Variants in TMC1 observed in about 807,000 individuals in gnomAD.
The protein encoded by TMC1 is transmembrane channel like 1.
A neutral mutation model predicts 105.8 loss-of-function variants in TMC1; 84 were observed. The observed-to-expected ratio is 0.79, with a 90% CI of 0.67 to 0.95. The LOEUF is 0.95. Ranked by LOEUF, TMC1 falls within the 40% of genes least tolerant of loss-of-function variation. TMC1 has a pLI of 0.00. For synonymous variants in TMC1, 315 were observed against 311.5 expected (o/e 1.01, Z -0.12); for missense variants, 817 against 914.1 (o/e 0.89, Z 1.37).
intron 1 of TMC1, among the ~76,000 whole-genome samples, chr9:72,553,899 A>G (rs562663690): frequency 6.6e-6 from 1 of 152,292 alleles, no homozygotes; most frequent in Admixed American, 6.5e-5. Flanking sequence ...CCCTACGACT[A>G]TTATATCTGA....
intron 5 of TMC1, among the ~76,000 whole-genome samples, chr9:72,676,900 T>C (rs374685590): frequency 6.6e-6 from 1 of 152,250 alleles, no homozygotes; most frequent in East Asian, 1.9e-4. Context: ...TCTGGAAACA[T>C]TTGAAGAAAT....
At chr9:72,728,294 T>C (rs1156363133) in intron 8 of TMC1, among the ~76,000 whole-genome samples, 2 of 152,134 alleles carry the variant, frequency 1.3e-5, no homozygotes, top group Non-Finnish European at 2.9e-5. Flanking sequence ...GGGGAACTAA[T>C]GGAAAATAAG....
intron 5 of TMC1, among the ~76,000 whole-genome samples, chr9:72,649,981 T>C (rs1271837542): frequency 6.6e-6 from 1 of 152,222 alleles, no homozygotes; most frequent in East Asian, 1.9e-4. Context: ...TTATTAGTGC[T>C]GCATATTATT....
intron 6 of TMC1, among the ~76,000 whole-genome samples, chr9:72,692,566 A>T (rs1432255736): frequency 6.6e-6 from 1 of 152,280 alleles, no homozygotes; most frequent in East Asian, 1.9e-4. Flanking sequence ...TAGTTTTAAT[A>T]CAAAAAATAC....
chr9:72,584,826 C>T (rs1321925700), intron 2 of TMC1, among the ~76,000 whole-genome samples: 2 of 133,884 alleles, frequency 1.5e-5, no homozygotes, highest in African/African-American at 5.8e-5. Flanking sequence ...GCTTCGTTGC[C>T]CAGGCTGGAG....
At chr9:72,560,929 A>C (rs1392944269) in intron 1 of TMC1, among the ~76,000 whole-genome samples, 3 of 152,194 alleles carry the variant, frequency 2.0e-5, no homozygotes, top group African/African-American at 4.8e-5. Flanking sequence ...CCTATTAGCT[A>C]GAGATACTTA....
At chr9:72,830,738 C>CTTTTTTTTTTTTTTTTTTCTTTT (rs71495342) in intron 23 of TMC1, 56 bp downstream of exon 23, 2 of 982,718 alleles carry the variant, frequency 2.0e-6, no homozygotes, top group Non-Finnish European at 1.4e-6. Context: ...CTTTTTCTTT[C>CTTTTTTTTTTTTTTTTTTCTTTT]TTTTTTTTTT....
At chr9:72,717,443 C>T (rs1290753643) in intron 8 of TMC1, among the ~76,000 whole-genome samples, 1 of 151,920 alleles carries the variant, frequency 6.6e-6, no homozygotes, top group Admixed American at 6.6e-5. Context: ...TGATGTGTTT[C>T]CATGGTTCGT....
At chr9:72,766,184 G>A (rs572445258) in intron 12 of TMC1, among the ~76,000 whole-genome samples, 41 of 152,206 alleles carry the variant, frequency 2.7e-4, no homozygotes, top group Middle Eastern at 6.8e-3. Flanking sequence ...TTGGGAGGCC[G>A]AGGTGGGTGG....
intron 10 of TMC1, among the ~76,000 whole-genome samples, chr9:72,744,091 G>T (rs965339158): frequency 4.6e-5 from 7 of 152,102 alleles, no homozygotes; most frequent in African/African-American, 1.7e-4. Context: ...CTAACCCTCG[G>T]TTCCCTGTCT....
chr9:72,566,439 A>G (rs1048934359), intron 1 of TMC1, among the ~76,000 whole-genome samples: 5 of 139,650 alleles, frequency 3.6e-5, no homozygotes, highest in African/African-American at 1.0e-4. Flanking sequence ...CATAGGGACT[A>G]TCTTGGGCTT....
At chr9:72,727,275 T>C (rs1475176837) in intron 8 of TMC1, among the ~76,000 whole-genome samples, 1 of 152,214 alleles carries the variant, frequency 6.6e-6, no homozygotes, top group Non-Finnish European at 1.5e-5. Context: ...CTGTCTTGCA[T>C]TGTTATGTAA....
chr9:72,752,048 G>T (rs555485816), intron 11 of TMC1, 92 bp downstream of exon 11: 31 of 906,036 alleles, frequency 3.4e-5, no homozygotes, highest in Admixed American at 5.2e-5. Flanking sequence ...TAATTAACTG[G>T]CTATTTTCAC....
At chr9:72,631,739 T>C (rs150635617) in intron 4 of TMC1, among the ~76,000 whole-genome samples, 1 of 152,238 alleles carries the variant, frequency 6.6e-6, no homozygotes, top group East Asian at 1.9e-4. Context: ...ACTCTGCCTA[T>C]TGAAAACACC....
intron 17 of TMC1, among the ~76,000 whole-genome samples, chr9:72,794,503 A>G (rs1477711923): frequency 6.6e-6 from 1 of 152,202 alleles, no homozygotes; most frequent in Non-Finnish European, 1.5e-5. Context: ...CCAAAGCATC[A>G]ACACCAAAAA....
rs768891360 is a variant in TMC1 at position 72,788,434 on chromosome 9, A to T, written c.980A>T (p.Asn327Ile). 4 of 1,614,068 alleles carry T rather than the reference A, an allele frequency of 2.5e-6. No homozygotes were observed. The highest frequency in any genetic ancestry group is 3.4e-6 in the Non-Finnish European group (4 of 1,179,932). Residue 327 changes from asparagine (N) to isoleucine (I), a missense_variant, in exon 14 of 24, where the codon AAT becomes ATT. Coordinates refer to ENST00000297784, the MANE Select transcript of TMC1 (RefSeq NM_138691.3). ...ACCAGCTGGGACTACCTGATCGGCA[A>T]TCCTGAAACAGCAGACAACAAATTT... ...VFTSWDYLIG[N>I]PETADNKFNS... is the part of the protein sequence containing the mutation.
chr9:72,623,338 G>T (rs1448590721), intron 3 of TMC1, among the ~76,000 whole-genome samples: 2 of 152,036 alleles, frequency 1.3e-5, no homozygotes, highest in African/African-American at 2.4e-5. Flanking sequence ...TGCTTCTGTT[G>T]TGTAGTAACC....
At chr9:72,543,260 C>G (rs1823707691) in intron 1 of TMC1, among the ~76,000 whole-genome samples, 1 of 152,160 alleles carries the variant, frequency 6.6e-6, no homozygotes. Context: ...CTTCTTCCAT[C>G]TACCCCATGA....
intron 1 of TMC1, among the ~76,000 whole-genome samples, chr9:72,562,101 A>G (rs7856874): frequency 0.61 from 92,705 of 152,010 alleles, 30,035 homozygotes; most frequent in African/African-American, 0.85. Flanking sequence ...ATAACATCTC[A>G]CAGTGCTTTA....
Sources: allele counts gnomAD v4.1 joint callset (sites outside exome capture counted in the v4.1 genomes callset), GRCh38; gene constraint gnomAD v4.1.1; transcripts MANE v1.5; gene names NCBI Gene and HGNC (gene_info 2026-07-23, HGNC 2026-07-21).